Variants in RPH3A observed in about 807,000 individuals in gnomAD.
The protein encoded by RPH3A is rabphilin-3A.
In RPH3A, 48 loss-of-function variants were observed where a neutral mutation model predicts 102.2. That is an observed-to-expected ratio of 0.47 (90% CI 0.37 to 0.60). RPH3A has a LOEUF of 0.60. RPH3A is among the 20% of genes least tolerant of loss of function. RPH3A has a pLI of 0.00. For synonymous variants in RPH3A, 310 were observed against 324.3 expected, an observed-to-expected ratio of 0.96 and a Z score of 0.47; for missense variants, 781 against 910.1, an observed-to-expected ratio of 0.86 and a Z score of 1.83.
At position 112,714,404 on chromosome 12, in the gene RPH3A, G is replaced by A. The variant is rs564239769; in HGVS notation, c.-139-77739G>A. ...AGGGTGCGTGCAGGAGCCAGGCCTC[G>A]CTCTAATCAAGCAGAACCAGCTTGC... On this transcript the variant is annotated intron_variant, in intron 1 of 21. Coordinates refer to the RPH3A transcript ENST00000543106. Among the ~76,000 whole-genome samples, 137 of 152,240 alleles carry A rather than the reference G, an allele frequency of 9.0e-4. 4 individuals carry two copies. In the Middle Eastern group the frequency reaches 0.014, roughly 15 times the overall value.
intron 13 of RPH3A, among the ~76,000 whole-genome samples, chr12:112,877,228 C>T (rs540540690): frequency 3.0e-4 from 46 of 152,196 alleles, no homozygotes; most frequent in Admixed American, 5.9e-4. Flanking sequence ...TCAGCAATTT[C>T]GCTCCTAGGT....
intron 1 of RPH3A, among the ~76,000 whole-genome samples, chr12:112,730,867 G>A (rs2040627971): frequency 6.6e-6 from 1 of 152,116 alleles, no homozygotes; most frequent in Admixed American, 6.5e-5. Flanking sequence ...AGGAAATGAG[G>A]CCAGCCCTGG....
chr12:112,887,874 A>G lies in RPH3A; in HGVS notation c.1514A>G (p.Lys505Arg). ...ACCAGATTCTCCCTCAAGAAACTGA[A>G]GCCCAACCAGAGGAAGAATTTCAAC... is the stretch of plus-strand genomic sequence containing the variant. Reference protein sequence around the residue: ...GETRFSLKKLKPNQRKNFNIC... With the variant: ...GETRFSLKKLRPNQRKNFNIC... The change falls in exon 17 of 22, where the codon AAG (lysine) becomes AGG (arginine). Residue 505 changes from lysine to arginine, a missense_variant. Physicochemically the swap from Lys to Arg is conservative, Grantham distance 26 (BLOSUM62 2). Coordinates refer to ENST00000389385, the MANE Select transcript of RPH3A (RefSeq NM_001143854.2). 1.9e-6 allele frequency: 3 copies of G among 1,613,996 alleles called. No individual in the cohort carries two copies. Among genetic ancestry groups the G allele is most frequent in the East Asian group, 2.2e-5 (1 of 44,884 alleles).
chr12:112,843,226 A>T (rs553248641), intron 4 of RPH3A, among the ~76,000 whole-genome samples: 3 of 152,326 alleles, frequency 2.0e-5, no homozygotes, highest in African/African-American at 7.2e-5. Flanking sequence ...TAAACAAGCC[A>T]TTCTGTCCCC....
chr12:112,655,288 C>A (rs1197622356), intron 1 of RPH3A, among the ~76,000 whole-genome samples: 1 of 152,182 alleles, frequency 6.6e-6, no homozygotes, highest in East Asian at 1.9e-4. Flanking sequence ...TCTAGAGTTT[C>A]CAAAAATTCT....
intron 1 of RPH3A, among the ~76,000 whole-genome samples, chr12:112,786,216 CTTG>C (rs1001057883): frequency 2.0e-5 from 3 of 152,124 alleles, no homozygotes; most frequent in Non-Finnish European, 1.5e-5. Flanking sequence ...ATAAATAAAA[CTTG>C]TTGACTTGTC....
chr12:112,859,120 G>A (rs779380927), intron 5 of RPH3A, among the ~76,000 whole-genome samples: 23 of 152,252 alleles, frequency 1.5e-4, no homozygotes, highest in Middle Eastern at 6.8e-3. Flanking sequence ...ATAACACCAG[G>A]CAGCCAATGC....
intron 3 of RPH3A, among the ~76,000 whole-genome samples, chr12:112,828,930 C>T (rs1272227678): frequency 2.0e-5 from 3 of 152,220 alleles, no homozygotes; most frequent in African/African-American, 7.2e-5. Context: ...CACTGGACTA[C>T]AATTTTGCCA....
intron 2 of RPH3A, among the ~76,000 whole-genome samples, chr12:112,793,835 C>CT (rs1192497697): frequency 6.6e-6 from 1 of 151,982 alleles, no homozygotes; most frequent in Non-Finnish European, 1.5e-5. Flanking sequence ...GAGTGTTAAT[C>CT]TTTTAATTGC....
chr12:112,576,909 C>CTTTTTTTTTTTTTTTT (rs3036138), intron 1 of RPH3A, among the ~76,000 whole-genome samples: 4 of 114,604 alleles, frequency 3.5e-5, no homozygotes, highest in South Asian at 3.0e-4. Flanking sequence ...TCTTTTCTTC[C>CTTTTTTTTTTTTTTTT]TTTTTTTTTT....
At chr12:112,729,304 A>T (rs1274184956) in intron 1 of RPH3A, among the ~76,000 whole-genome samples, 3 of 152,056 alleles carry the variant, frequency 2.0e-5, no homozygotes, top group Admixed American at 6.5e-5. Flanking sequence ...CTCCTATCTC[A>T]GTCCCCTCGC....
At chr12:112,781,423 C>T (rs1565878795) in intron 1 of RPH3A, among the ~76,000 whole-genome samples, 2 of 152,142 alleles carry the variant, frequency 1.3e-5, no homozygotes, top group Non-Finnish European at 2.9e-5. Flanking sequence ...AGCTCTGGGG[C>T]AGAAGACTTG....
At chr12:112,698,919 C>T (rs2040372652) in intron 1 of RPH3A, among the ~76,000 whole-genome samples, 1 of 148,976 alleles carries the variant, frequency 6.7e-6, no homozygotes, top group African/African-American at 2.5e-5. Flanking sequence ...CCCCTCCTCC[C>T]CCCGCCCTTC....
At chr12:112,739,301 G>T (rs1565866251) in intron 1 of RPH3A, among the ~76,000 whole-genome samples, 1 of 152,164 alleles carries the variant, frequency 6.6e-6, no homozygotes, top group African/African-American at 2.4e-5. Flanking sequence ...GAACTCAACT[G>T]CTCTCTAAAT....
chr12:112,827,534 A>G (rs1468458641), intron 2 of RPH3A, among the ~76,000 whole-genome samples: 1 of 152,240 alleles, frequency 6.6e-6, no homozygotes, highest in Non-Finnish European at 1.5e-5. Context: ...AGAAAGACCA[A>G]GGAGGAGTCA....
chr12:112,661,906 G>A (rs2040051098), intron 1 of RPH3A, among the ~76,000 whole-genome samples: 1 of 152,132 alleles, frequency 6.6e-6, no homozygotes. Flanking sequence ...TGGGTTGGTG[G>A]CCATCGCAGC....
At chr12:112,874,478 C>T (rs371700999) in intron 10 of RPH3A, among the ~76,000 whole-genome samples, 24 of 152,138 alleles carry the variant, frequency 1.6e-4, no homozygotes, top group Non-Finnish European at 2.4e-4. Flanking sequence ...ATGGTAAGCA[C>T]TAAATAAGTA....
At chr12:112,727,507 C>A (rs1300089452) in intron 1 of RPH3A, among the ~76,000 whole-genome samples, 7 of 103,992 alleles carry the variant, frequency 6.7e-5, no homozygotes, top group Non-Finnish European at 9.6e-5. Flanking sequence ...CCCCCCCCCA[C>A]ACACATATAT....
intron 1 of RPH3A, among the ~76,000 whole-genome samples, chr12:112,740,201 G>C (rs1370375982): frequency 6.6e-6 from 1 of 152,106 alleles, no homozygotes; most frequent in Admixed American, 6.5e-5. Flanking sequence ...TCTACCTAAG[G>C]TATTTGTGAG....
Sources: gnomAD v4.1 joint callset for allele counts (sites outside exome capture counted in the v4.1 genomes callset) on GRCh38, gnomAD v4.1.1 for gene constraint, MANE v1.5 for transcripts, NCBI Gene and HGNC (gene_info 2026-07-23, HGNC 2026-07-21) for gene names.